C11orf16: variants seen among roughly 807,000 people sequenced by gnomAD.
C11orf16 encodes chromosome 11 open reading frame 16, also known as uncharacterized protein C11orf16.
A neutral mutation model predicts 45.1 loss-of-function variants in C11orf16; 38 were observed. The ratio of observed to expected loss-of-function variants is 0.84; its 90% CI spans 0.65 to 1.10. C11orf16 has a LOEUF of 1.10. C11orf16 is among the 50% of genes least tolerant of loss of function. The probability of loss-of-function intolerance (pLI) is 0.00; values close to 1 mark genes in which losing one functional copy is unlikely to be tolerated. For missense variants in C11orf16, 583 were observed against 569.5 expected (o/e 1.02, Z -0.24); for synonymous variants, 221 against 222.0 (o/e 1.00, Z 0.04).
chr11:8,921,602 T>C, intron 5 of C11orf16, 87 bp from the exon 6 acceptor site: 1 of 1,179,958 alleles, frequency 8.5e-7, no homozygotes, highest in Non-Finnish European at 1.2e-6. Context: ...CTGAAGTATC[T>C]GTAAGCTCAA....
chr11:8,925,373 G>A (rs995776906), intron 5 of C11orf16, 90 bp downstream of exon 5: 19 of 1,163,086 alleles, frequency 1.6e-5, no homozygotes, highest in African/African-American at 6.1e-5. Context: ...GAGTGGACAC[G>A]TGCATCAAAT....
At position 8,929,669 on chromosome 11, in the gene C11orf16, C is replaced by G. The variant is rs1248142857; in HGVS notation, c.168-136G>C. 3.6e-6 allele frequency: 3 copies of G among 842,202 alleles called. No individual in the cohort carries two copies. In the African/African-American group the frequency reaches 5.2e-5, roughly 14 times the overall value. 52.2% of individuals were successfully genotyped at this position (842,202 alleles called of 1,614,324 possible). ...GAACAGAAATCCATATGGAAAGTGGCAATCTATGACTTCCGGAAGGATAAG... is the reference window on the plus strand; with the variant it reads ...GAACAGAAATCCATATGGAAAGTGGGAATCTATGACTTCCGGAAGGATAAG... On this transcript the variant is annotated intron_variant, in intron 2 of 6. Coordinates refer to ENST00000326053, the MANE Select transcript of C11orf16 (RefSeq NM_020643.3).
chr11:8,924,798 A>C (rs1476072376), intron 5 of C11orf16, among the ~76,000 whole-genome samples: 2 of 152,176 alleles, frequency 1.3e-5, no homozygotes, highest in Non-Finnish European at 2.9e-5. Flanking sequence ...CAGCTCTGAC[A>C]GGCTTCTGCT....
At chr11:8,930,298 T>G (rs2064641610) in intron 2 of C11orf16, among the ~76,000 whole-genome samples, 1 of 151,256 alleles carries the variant, frequency 6.6e-6, no homozygotes. Context: ...TGGTGGTGGG[T>G]GCCTGTAGTC....
intron 4 of C11orf16, among the ~76,000 whole-genome samples, chr11:8,926,564 G>T (rs911176066): frequency 7.2e-5 from 11 of 152,074 alleles, no homozygotes; most frequent in Admixed American, 5.9e-4. Context: ...ATTCTCAGTA[G>T]AAGCCTCATT....
At chr11:8,932,761 G>C (rs370649686) in intron 1 of C11orf16, 140 bp downstream of exon 1, 1 of 154,086 alleles carries the variant, frequency 6.5e-6, no homozygotes, top group African/African-American at 2.4e-5. Context: ...TCTCAGGGCC[G>C]TCCATCCCCT....
intron 3 of C11orf16, among the ~76,000 whole-genome samples, chr11:8,928,640 A>G (rs2064630800): frequency 6.6e-6 from 1 of 152,112 alleles, no homozygotes; most frequent in African/African-American, 2.4e-5. Context: ...AGCTGCGACT[A>G]CAGCCATGTG....
At chr11:8,926,146 C>G in intron 4 of C11orf16, 39 bp from the exon 5 acceptor site, 1 of 1,399,192 alleles carries the variant, frequency 7.1e-7, no homozygotes, top group Non-Finnish European at 9.7e-7. Context: ...TTATAATTAC[C>G]AATTATCTCC....
intron 4 of C11orf16, 62 bp from the exon 5 acceptor site, chr11:8,926,169 T>TC: frequency 7.2e-7 from 1 of 1,380,926 alleles, no homozygotes; most frequent in African/African-American, 1.5e-5. Flanking sequence ...TTTTTTCTTT[T>TC]TTCTTTTTTT....
At position 8,921,355 on chromosome 11, in the gene C11orf16, C is replaced by T; in HGVS notation, c.1365G>A (p.Gln455=). 1 of 1,614,216 alleles carries T rather than the reference C, an allele frequency of 6.2e-7. No individual in the cohort carries two copies. The highest frequency in any genetic ancestry group is 8.5e-7 in the Non-Finnish European group (1 of 1,180,046). The stretch of plus-strand genomic sequence containing the variant: ...TGTTCCACTGACATATTGCAAGGCT[C>T]TGACTCCGCTTTCTGTGTTCAGCTT... ...PGEAEHRKRS[Q]SLAICQWNKN... The change falls in exon 6 of 7, where the codon CAG becomes CAA. Residue 455 remains glutamine, a synonymous_variant. Transcript: ENST00000326053.
intron 2 of C11orf16, among the ~76,000 whole-genome samples, chr11:8,930,985 G>A (rs867505044): frequency 3.9e-5 from 6 of 152,278 alleles, no homozygotes; most frequent in African/African-American, 1.4e-4. Context: ...CCTAATGTGG[G>A]CAGAATGGAT....
chr11:8,929,315 G>C, intron 3 of C11orf16, 62 bp downstream of exon 3: 1 of 1,537,030 alleles, frequency 6.5e-7, no homozygotes, highest in Non-Finnish European at 8.9e-7. Flanking sequence ...GCTAAGGCAT[G>C]TCAGGTATGA....
intron 5 of C11orf16, among the ~76,000 whole-genome samples, chr11:8,924,218 T>G (rs1008485429): frequency 6.6e-6 from 1 of 152,084 alleles, no homozygotes; most frequent in South Asian, 2.1e-4. Context: ...ATCCTTACCC[T>G]TGGGGCAAGA....
intron 3 of C11orf16, chr11:8,927,734 G>C (rs755328257): frequency 1.8e-5 from 8 of 452,200 alleles, no homozygotes; most frequent in Non-Finnish European, 3.6e-5. Flanking sequence ...GCAAAAGTGA[G>C]AGAACAGTGC....
At position 8,925,562 on chromosome 11, in the gene C11orf16, G is replaced by T. The variant is rs2134833679; in HGVS notation, c.1105C>A (p.Pro369Thr). ...LMVNSAVNTD[P>T]IFLEMPLRQS... is the part of the protein sequence containing the mutation. ...CTCAGAGGCATCTCAAGAAAGATGGGATCTGTGTTGACTGCACTGTTCACC... is the reference window on the plus strand; with the variant it reads ...CTCAGAGGCATCTCAAGAAAGATGGTATCTGTGTTGACTGCACTGTTCACC... Residue 369 changes from proline to threonine, a missense_variant, in exon 5 of 7, where the codon CCC (proline) becomes ACC (threonine). Physicochemically the swap from Pro to Thr is conservative, Grantham distance 38. Coordinates refer to ENST00000326053, the MANE Select transcript of C11orf16 (RefSeq NM_020643.3). 1.2e-6 allele frequency: 2 copies of T among 1,614,238 alleles called. No homozygotes were observed. The highest frequency in any genetic ancestry group is 1.1e-5 in the South Asian group (1 of 91,088).
intron 2 of C11orf16, 67 bp from the exon 3 acceptor site, chr11:8,929,600 T>C: frequency 1.4e-6 from 2 of 1,419,040 alleles, no homozygotes; most frequent in Admixed American, 2.3e-5. Flanking sequence ...AGAAACACGT[T>C]TCGCAGGTAC....
chr11:8,929,097 A>G (rs1395748676), intron 3 of C11orf16: 2 of 358,482 alleles, frequency 5.6e-6, no homozygotes, highest in African/African-American at 4.1e-5. Flanking sequence ...CATAGCTCTC[A>G]GAAGGAACCA....
At position 8,929,403 on chromosome 11, in the gene C11orf16, G is replaced by T. The variant is rs373489139; in HGVS notation, c.298C>A (p.Arg100=). 1.2e-6 allele frequency: 2 copies of T among 1,614,004 alleles called. No homozygotes were observed. The highest frequency in any genetic ancestry group is 2.2e-5 in the East Asian group (1 of 44,872). ...TCGGGAGTGGCCTTTATTTGGGCCC[G>T]GTAGTAAAAACCATCTGCTTCCCTT... ...ARREADGFYY[R]AQIKATPELE... is the part of the protein sequence containing the mutation. The change falls in exon 3 of 7, where the codon CGG becomes AGG. Residue 100 remains arginine (R), a synonymous_variant. Coordinates refer to ENST00000326053, the MANE Select transcript of C11orf16 (RefSeq NM_020643.3).
At chr11:8,921,577 C>T (rs1339662721) in intron 5 of C11orf16, 62 bp from the exon 6 acceptor site, 9 of 1,419,114 alleles carry the variant, frequency 6.3e-6, no homozygotes, top group Non-Finnish European at 8.9e-6. Context: ...ATAAGTAGAA[C>T]TAAAACAAGG....
Sources: gnomAD v4.1 joint callset for allele counts (sites outside exome capture counted in the v4.1 genomes callset) on GRCh38, gnomAD v4.1.1 for gene constraint, MANE v1.5 for transcripts, NCBI Gene and HGNC (gene_info 2026-07-23, HGNC 2026-07-21) for gene names.